The following PTPRD variants were observed in gnomAD, a reference collection of about 807,000 sequenced individuals.
The protein encoded by PTPRD is protein tyrosine phosphatase receptor type D.
A neutral mutation model predicts 214.5 loss-of-function variants in PTPRD; 34 were observed. That is an observed-to-expected ratio of 0.16 (90% CI 0.12 to 0.21). PTPRD has a LOEUF of 0.21. PTPRD is among the 10% of genes least tolerant of loss of function. PTPRD has a pLI of 1.00. For synonymous variants in PTPRD, 1,128 were observed against 845.7 expected (o/e 1.33, Z -5.79); for missense variants, 2,545 against 2,398.7 (o/e 1.06, Z -1.27).
intron 9 of PTPRD, among the ~76,000 whole-genome samples, chr9:9,217,810 C>G (rs898283485): frequency 1.3e-5 from 2 of 152,084 alleles, no homozygotes; most frequent in South Asian, 4.2e-4. Context: ...TTGCATTTGT[C>G]CAGTATTATC....
At chr9:10,471,885 A>G (rs2099033394) in intron 2 of PTPRD, among the ~76,000 whole-genome samples, 1 of 152,124 alleles carries the variant, frequency 6.6e-6, no homozygotes, top group Non-Finnish European at 1.5e-5. Flanking sequence ...ATGAACAAAA[A>G]TAGCAAACCA....
At position 10,337,690 on chromosome 9, in the gene PTPRD, T is replaced by A. The variant is rs117218921; in HGVS notation, c.-545+3273A>T. Among the ~76,000 whole-genome samples the A allele has an allele frequency of 1.5e-3, 223 of 151,894 alleles. 7 individuals carry two copies. In the East Asian group the frequency reaches 0.035, roughly 24 times the overall value. On this transcript the variant is annotated intron_variant, in intron 3 of 45. Transcript: ENST00000381196. ...CAAAACTAAATCTTATTTATACTTA[T>A]GTGTCAGGAACTTTACCTGCATTAA...
chr9:9,660,218 G>C (rs1426400871), intron 7 of PTPRD, among the ~76,000 whole-genome samples: 1 of 151,914 alleles, frequency 6.6e-6, no homozygotes, highest in Non-Finnish European at 1.5e-5. Flanking sequence ...TAAGATTTTG[G>C]ATATTATTTT....
intron 11 of PTPRD, among the ~76,000 whole-genome samples, chr9:8,833,060 C>T (rs1462885422): frequency 1.3e-5 from 2 of 151,958 alleles, no homozygotes; most frequent in African/African-American, 4.8e-5. Flanking sequence ...CTGTGTGCGA[C>T]CCAGAAATCT....
chr9:8,851,586 T>C (rs780010573), intron 11 of PTPRD, among the ~76,000 whole-genome samples: 15 of 152,290 alleles, frequency 9.8e-5, no homozygotes, highest in African/African-American at 2.2e-4. Context: ...TTTTAACAAA[T>C]AGCTGAAGAC....
At chr9:8,491,675 A>G (rs2097153534) in intron 27 of PTPRD, among the ~76,000 whole-genome samples, 2 of 151,620 alleles carry the variant, frequency 1.3e-5, no homozygotes, top group Admixed American at 1.3e-4. Context: ...AAAAAAAAAA[A>G]AAAGCCCAGA....
In PTPRD at chr9:10,557,353, T is replaced by C. The variant is rs2062843371; in HGVS notation, c.-600+55045A>G. Among the ~76,000 whole-genome samples the C allele has an allele frequency of 3.9e-5, 6 of 152,126 alleles. No individual in the cohort carries two copies. The South Asian group carries it at 1.2e-3, about 32-fold the overall frequency. On this transcript the variant is annotated intron_variant, in intron 2 of 45. Coordinates refer to ENST00000381196, the MANE Select transcript of PTPRD (RefSeq NM_002839.4). ...TCAAAAGATTAGCAGAGAGAGTGAA[T>C]ACCTGTCTCCAACGCAGCATTCTTT...
intron 7 of PTPRD, among the ~76,000 whole-genome samples, chr9:9,611,982 T>A (rs539034483): frequency 1.9e-4 from 29 of 152,206 alleles, no homozygotes; most frequent in African/African-American, 7.0e-4. Flanking sequence ...ATCAGATATT[T>A]TTTAGTGTAA....
intron 3 of PTPRD, among the ~76,000 whole-genome samples, chr9:10,034,981 T>C (rs1291574481): frequency 6.6e-6 from 1 of 152,174 alleles, no homozygotes; most frequent in Non-Finnish European, 1.5e-5. Flanking sequence ...GTAATAGGAT[T>C]GCTGGGTCAA....
At chr9:10,557,757 G>A (rs1269460384) in intron 2 of PTPRD, among the ~76,000 whole-genome samples, 1 of 152,122 alleles carries the variant, frequency 6.6e-6, no homozygotes, top group Non-Finnish European at 1.5e-5. Context: ...TAACTCCTCG[G>A]GAAGGGCTAA....
chr9:9,341,590 A>G (rs2046826487), intron 9 of PTPRD, among the ~76,000 whole-genome samples: 1 of 151,936 alleles, frequency 6.6e-6, no homozygotes, highest in Non-Finnish European at 1.5e-5. Context: ...TTGAATTGAC[A>G]TCCTGGTTTT....
intron 7 of PTPRD, among the ~76,000 whole-genome samples, chr9:9,684,012 C>T (rs534222840): frequency 1.7e-4 from 26 of 151,592 alleles, no homozygotes; most frequent in African/African-American, 6.3e-4. Context: ...TTCTTTGTAG[C>T]CTAAAGAGGA....
chr9:9,250,877 T>A (rs1184185820), intron 9 of PTPRD, among the ~76,000 whole-genome samples: 1 of 152,122 alleles, frequency 6.6e-6, no homozygotes, highest in Non-Finnish European at 1.5e-5. Flanking sequence ...TTTATTTATT[T>A]ATTTGAATTC....
intron 10 of PTPRD, among the ~76,000 whole-genome samples, chr9:9,064,005 T>C (rs779389522): frequency 3.9e-5 from 6 of 152,196 alleles, no homozygotes; most frequent in African/African-American, 1.4e-4. Context: ...GGTTTTAATA[T>C]ATACTCAAGT....
intron 9 of PTPRD, among the ~76,000 whole-genome samples, chr9:9,244,607 C>T (rs539577085): frequency 6.6e-6 from 1 of 152,160 alleles, no homozygotes; most frequent in Non-Finnish European, 1.5e-5. Flanking sequence ...AAACTGGAAC[C>T]CTTCCTTACA....
intron 4 of PTPRD, among the ~76,000 whole-genome samples, chr9:10,011,575 C>A (rs569865147): frequency 6.6e-6 from 1 of 151,906 alleles, no homozygotes; most frequent in Non-Finnish European, 1.5e-5. Context: ...GCCTTCCCTG[C>A]TGATAAATAC....
At chr9:8,512,948 T>C (rs2097710906) in intron 21 of PTPRD, among the ~76,000 whole-genome samples, 1 of 152,020 alleles carries the variant, frequency 6.6e-6, no homozygotes, top group South Asian at 2.1e-4. Context: ...CCCTATGCTT[T>C]TGGTACAATT....
chr9:8,475,414 A>G lies in PTPRD; in HGVS notation c.3414-4329T>C, dbSNP rs1192091668. On this transcript the variant is annotated intron_variant, in intron 30 of 45. Transcript: ENST00000381196. ...ATTTATCATCTGCGGCCCAGCTACAATGGTGACACTCCTCAAGGCTCTGGC... is the reference window on the plus strand; with the variant it reads ...ATTTATCATCTGCGGCCCAGCTACAGTGGTGACACTCCTCAAGGCTCTGGC... Among the ~76,000 whole-genome samples, 4 of 152,084 alleles carry G rather than the reference A, an allele frequency of 2.6e-5. No individual in the cohort carries two copies. In the East Asian group the frequency reaches 7.7e-4, roughly 29 times the overall value.
chr9:9,447,430 G>T (rs746991250), intron 8 of PTPRD, among the ~76,000 whole-genome samples: 1 of 118,078 alleles, frequency 8.5e-6, no homozygotes, highest in African/African-American at 2.7e-5. Context: ...ACTAAATACC[G>T]TATGTTCTCA....
Sources: gnomAD v4.1 joint callset for allele counts (sites outside exome capture counted in the v4.1 genomes callset) on GRCh38, gnomAD v4.1.1 for gene constraint, MANE v1.5 for transcripts, NCBI Gene and HGNC (gene_info 2026-07-23, HGNC 2026-07-21) for gene names.